TECPR2: variants seen among roughly 807,000 people sequenced by gnomAD.
TECPR2 encodes the protein tectonin beta-propeller repeat-containing protein 2.
A neutral mutation model predicts 138.1 loss-of-function variants in TECPR2; 65 were observed. The observed-to-expected ratio is 0.47, with a 90% CI of 0.39 to 0.58. TECPR2 has a LOEUF of 0.58. Among genes scored for constraint, TECPR2 ranks in the 20% least tolerant of loss-of-function variants. The probability of loss-of-function intolerance (pLI) is 0.00; values close to 1 mark genes in which losing one functional copy is unlikely to be tolerated. For missense variants in TECPR2, 1,553 were observed against 1,824.5 expected, an observed-to-expected ratio of 0.85 and a Z score of 2.71; for synonymous variants, 746 against 749.8, an observed-to-expected ratio of 0.99 and a Z score of 0.08.
chr14:102,486,687 C>T (rs1351863020), intron 17 of TECPR2, among the ~76,000 whole-genome samples: 1 of 152,192 alleles, frequency 6.6e-6, no homozygotes. Flanking sequence ...GCCATACCCA[C>T]CTCGTACCAC....
chr14:102,497,380 C>T (rs994298446), intron 18 of TECPR2, among the ~76,000 whole-genome samples, 190 bp from the exon 19 acceptor site: 33 of 152,244 alleles, frequency 2.2e-4, no homozygotes, highest in African/African-American at 5.5e-4. Flanking sequence ...TTCTGGCTTT[C>T]GGTGGCTTTG....
At chr14:102,404,285 G>A (rs1393126101) in intron 2 of TECPR2, among the ~76,000 whole-genome samples, 2 of 151,836 alleles carry the variant, frequency 1.3e-5, no homozygotes, top group African/African-American at 4.8e-5. Flanking sequence ...AACTCCCAAG[G>A]CCATTTTTTG....
At chr14:102,385,620 T>C (rs771370201) in intron 2 of TECPR2, among the ~76,000 whole-genome samples, 1 of 152,138 alleles carries the variant, frequency 6.6e-6, no homozygotes, top group African/African-American at 2.4e-5. Flanking sequence ...AGAAGGGGAC[T>C]CTGGGAGAAT....
chr14:102,377,149 C>T (rs1887663947), intron 2 of TECPR2, among the ~76,000 whole-genome samples: 2 of 152,178 alleles, frequency 1.3e-5, no homozygotes, highest in Admixed American at 1.3e-4. Context: ...CTCCAAAAAT[C>T]TAACATCACT....
At chr14:102,370,724 CCT>C (rs1746641951) in intron 1 of TECPR2, among the ~76,000 whole-genome samples, 1 of 152,122 alleles carries the variant, frequency 6.6e-6, no homozygotes, top group South Asian at 2.1e-4. Context: ...CAGGAAAATC[CCT>C]CTGTTTGCCA....
rs754024398 is a variant in TECPR2, at chr14:102,432,027, C to T, written c.1316C>T (p.Pro439Leu). 6.8e-6 allele frequency: 11 copies of T among 1,612,796 alleles called. No individual in the cohort carries two copies. The African/African-American group carries it at 1.3e-4, about 20-fold the overall frequency. ...ATPELGKGSQ[P>L]LSQRFNAISS... ...CCTGAGCTGGGCAAGGGCAGCCAGC[C>T]CCTGTCACAGAGATTCAACGCCATC... The change falls in exon 8 of 20, where the codon CCC becomes CTC. Residue 439 changes from proline to leucine, a missense_variant. Physicochemically the swap from Pro to Leu is moderately conservative, Grantham distance 98 (BLOSUM62 -3). Coordinates refer to ENST00000359520, the MANE Select transcript of TECPR2 (RefSeq NM_014844.5).
intron 13 of TECPR2, 83 bp downstream of exon 13, chr14:102,446,030 C>A (rs777256566): frequency 7.0e-7 from 1 of 1,436,140 alleles, no homozygotes; most frequent in Non-Finnish European, 9.4e-7. Context: ...TTTTCCTTAA[C>A]GATACTAGAT....
intron 13 of TECPR2, among the ~76,000 whole-genome samples, chr14:102,448,045 A>C (rs1256382344): frequency 6.6e-6 from 1 of 152,216 alleles, no homozygotes; most frequent in East Asian, 1.9e-4. Flanking sequence ...ATACTAGGTA[A>C]TATTTGATAG....
intron 17 of TECPR2, among the ~76,000 whole-genome samples, chr14:102,495,735 T>C (rs1258441522): frequency 1.3e-5 from 2 of 152,248 alleles, no homozygotes; most frequent in East Asian, 3.8e-4. Flanking sequence ...CCATCCTCCA[T>C]GTCCTGATCC....
At chr14:102,460,185 G>T (rs1019839806) in intron 16 of TECPR2, among the ~76,000 whole-genome samples, 1 of 151,880 alleles carries the variant, frequency 6.6e-6, no homozygotes, top group African/African-American at 2.4e-5. Context: ...CACAAGAATC[G>T]CTTGAACCCG....
intron 2 of TECPR2, among the ~76,000 whole-genome samples, chr14:102,383,015 C>T (rs532321421): frequency 2.2e-3 from 342 of 152,328 alleles, no homozygotes; most frequent in African/African-American, 7.2e-3. Context: ...ACCTCGGCCT[C>T]CCAAAGTGCT....
rs781593347 is a variant in TECPR2, at chr14:102,407,411, C to G, written c.293C>G (p.Ser98Cys). ...FDDLVAAGTA[S>C]GRVAVFQLVS... ...GACCTGGTGGCAGCAGGCACAGCCTCTGGCAGGGTTGCAGTTTTTCAACTT... is the reference window on the plus strand; with the variant it reads ...GACCTGGTGGCAGCAGGCACAGCCTGTGGCAGGGTTGCAGTTTTTCAACTT... Residue 98 changes from serine to cysteine, a missense_variant, in exon 3 of 20, where the codon TCT becomes TGT. Physicochemically the swap from Ser to Cys is moderately radical, Grantham distance 112. Transcript: ENST00000359520. The G allele has an allele frequency of 1.2e-6, 2 of 1,613,748 alleles. No individual in the cohort carries two copies. Among genetic ancestry groups the G allele is most frequent in the East Asian group, 4.5e-5 (2 of 44,830 alleles).
At chr14:102,426,128 C>G (rs1308796734) in intron 6 of TECPR2, among the ~76,000 whole-genome samples, 1 of 151,296 alleles carries the variant, frequency 6.6e-6, no homozygotes, top group African/African-American at 2.4e-5. Context: ...TCAGGTGATC[C>G]GCCAGCCTCG....
At chr14:102,444,040 G>A (rs1003377225) in intron 12 of TECPR2, among the ~76,000 whole-genome samples, 7 of 152,114 alleles carry the variant, frequency 4.6e-5, no homozygotes, top group South Asian at 2.1e-4. Flanking sequence ...CGCCCTCTGC[G>A]CAGCCCTGAG....
chr14:102,408,350 G>T (rs1888720848), intron 3 of TECPR2, 138 bp from the exon 4 acceptor site: 2 of 894,472 alleles, frequency 2.2e-6, no homozygotes, highest in Non-Finnish European at 3.3e-6. Flanking sequence ...ACTTTGTGCA[G>T]GGTTCTGCTT....
chr14:102,454,484 G>A (rs1890228708), intron 16 of TECPR2, among the ~76,000 whole-genome samples: 1 of 152,112 alleles, frequency 6.6e-6, no homozygotes, highest in South Asian at 2.1e-4. Flanking sequence ...CTCCCCACCT[G>A]CCTTTTGGAC....
intron 17 of TECPR2, among the ~76,000 whole-genome samples, chr14:102,468,088 C>G (rs189989638): frequency 1.3e-5 from 2 of 151,860 alleles, no homozygotes; most frequent in Non-Finnish European, 2.9e-5. Context: ...TCAGGTGATC[C>G]GCCCACCTCG....
At chr14:102,426,678 G>A (rs1368272958) in intron 6 of TECPR2, among the ~76,000 whole-genome samples, 3 of 152,150 alleles carry the variant, frequency 2.0e-5, no homozygotes, top group Non-Finnish European at 4.4e-5. Context: ...GGCCAACATG[G>A]TGAAACTCCG....
chr14:102,429,262 G>A (rs1435846955), intron 7 of TECPR2, among the ~76,000 whole-genome samples: 1 of 152,148 alleles, frequency 6.6e-6, no homozygotes, highest in African/African-American at 2.4e-5. Context: ...TGTGGAAGAT[G>A]GGGAGATTGA....
Sources: allele counts gnomAD v4.1 joint callset (sites outside exome capture counted in the v4.1 genomes callset), GRCh38; gene constraint gnomAD v4.1.1; transcripts MANE v1.5; gene names NCBI Gene and HGNC (gene_info 2026-07-23, HGNC 2026-07-21).